The following JPT1 variants were observed in gnomAD, a reference collection of about 807,000 sequenced individuals.
JPT1 encodes androgen-regulated protein 2.
A neutral mutation model predicts 17.0 loss-of-function variants in JPT1; 5 were observed. The observed-to-expected ratio is 0.29, with a 90% CI of 0.15 to 0.62. The LOEUF (loss-of-function observed/expected upper bound fraction) is 0.62. Ranked by LOEUF, JPT1 falls within the 20% of genes least tolerant of loss-of-function variation. JPT1 has a pLI of 0.85. For missense variants in JPT1, 158 were observed against 188.1 expected (o/e 0.84, Z 0.94); for synonymous variants, 71 against 73.6 (o/e 0.96, Z 0.18).
Position 75,154,331 on chromosome 17 carries a change from G to A in JPT1, c.56+11C>T, listed in dbSNP as rs1279162628. On this transcript the variant is annotated intron_variant, in intron 1 of 4. Coordinates refer to ENST00000409753, the MANE Select transcript of JPT1 (RefSeq NM_016185.4). ...GCCCCGCGCGGCTCGGGCGCGACCCGGTCGCCTCACCGGGAGCTATTCCTG... is the reference window on the plus strand; with the variant it reads ...GCCCCGCGCGGCTCGGGCGCGACCCAGTCGCCTCACCGGGAGCTATTCCTG... 4 of 1,541,558 alleles carry A rather than the reference G, an allele frequency of 2.6e-6. No individual in the cohort carries two copies. The highest frequency in any genetic ancestry group is 3.5e-6 in the Non-Finnish European group (4 of 1,143,832).
intron 4 of JPT1, 28 bp from the exon 5 acceptor site, chr17:75,136,278 C>T: frequency 6.6e-7 from 1 of 1,525,770 alleles, no homozygotes; most frequent in Non-Finnish European, 8.8e-7. Context: ...AGAAATAATA[C>T]TCATAATGAC....
At chr17:75,146,545 CTTGGGGCAT>C (rs960499050) in intron 4 of JPT1, 112 bp downstream of exon 4, 35 of 687,882 alleles carry the variant, frequency 5.1e-5, no homozygotes, top group Non-Finnish European at 8.0e-5. Flanking sequence ...TATGGCGGCA[CTTGGGGCAT>C]GGCCAGGTTT....
chr17:75,142,444 A>G (rs941872937), intron 4 of JPT1, among the ~76,000 whole-genome samples: 19 of 150,718 alleles, frequency 1.3e-4, no homozygotes, highest in Non-Finnish European at 2.1e-4. Flanking sequence ...TTGTAATCCC[A>G]GCTACGCAGG....
At chr17:75,138,783 CT>C (rs2074255625) in intron 4 of JPT1, among the ~76,000 whole-genome samples, 1 of 152,198 alleles carries the variant, frequency 6.6e-6, no homozygotes, top group African/African-American at 2.4e-5. Context: ...AAACCTCCCT[CT>C]TCTGTGGCTG....
chr17:75,148,053 T>C, intron 2 of JPT1: 1 of 224,248 alleles, frequency 4.5e-6, no homozygotes, highest in South Asian at 8.0e-5. Context: ...TGTGTTAGTC[T>C]CACATTATGA....
At chr17:75,148,888 A>C (rs968119371) in intron 1 of JPT1, among the ~76,000 whole-genome samples, 1 of 152,206 alleles carries the variant, frequency 6.6e-6, no homozygotes, top group Non-Finnish European at 1.5e-5. Flanking sequence ...ACTTGTAATA[A>C]GGTCATCGAT....
chr17:75,151,044 G>A (rs2074543694), intron 1 of JPT1, among the ~76,000 whole-genome samples: 2 of 151,448 alleles, frequency 1.3e-5, no homozygotes, highest in African/African-American at 4.8e-5. Flanking sequence ...AGTAGAGACG[G>A]GGTTTCACCG....
intron 4 of JPT1, among the ~76,000 whole-genome samples, chr17:75,143,031 T>G (rs2074357358): frequency 6.6e-6 from 1 of 152,214 alleles, no homozygotes; most frequent in East Asian, 1.9e-4. Context: ...CCTGTCCTCC[T>G]TTTACCTGCC....
intron 1 of JPT1, 157 bp downstream of exon 1, chr17:75,154,185 A>G (rs1372313856): frequency 7.8e-6 from 3 of 383,994 alleles, no homozygotes; most frequent in African/African-American, 6.4e-5. Flanking sequence ...GCCAGGCGGC[A>G]CAAAGGCGGC....
rs1294633749 is a variant in JPT1, at chr17:75,154,453, C to T, written c.-56G>A. Reference sequence around the variant, plus strand: ...GAGCAGAACGCTCAAAGGGTCGGACCCGAGGGGCGCTGGGAAACTCCACAC... The same window carrying T: ...GAGCAGAACGCTCAAAGGGTCGGACTCGAGGGGCGCTGGGAAACTCCACAC... On this transcript the variant is annotated 5_prime_UTR_variant, in exon 1 of 5. Coordinates refer to ENST00000409753, the MANE Select transcript of JPT1 (RefSeq NM_016185.4). 1.3e-6 allele frequency: 2 copies of T among 1,497,624 alleles called. No homozygotes were observed. Among genetic ancestry groups the T allele is most frequent in the Non-Finnish European group, 1.8e-6 (2 of 1,110,394 alleles). The allele number at this position is 1,497,624 out of a possible 1,614,324, so 92.8% of individuals were successfully genotyped here. A position where few individuals can be genotyped will look rare whatever the true frequency, so the allele number is the denominator to read the frequency against.
intron 4 of JPT1, among the ~76,000 whole-genome samples, chr17:75,144,533 A>G (rs1033350384): frequency 1.3e-5 from 2 of 152,114 alleles, no homozygotes; most frequent in Non-Finnish European, 2.9e-5. Context: ...AAAAAAATGT[A>G]TCATATATTC....
At chr17:75,151,998 C>T (rs1304027868) in intron 1 of JPT1, among the ~76,000 whole-genome samples, 1 of 151,432 alleles carries the variant, frequency 6.6e-6, no homozygotes, top group Non-Finnish European at 1.5e-5. Flanking sequence ...AAGAAAAAGA[C>T]ACTAGTACCC....
chr17:75,145,129 A>T (rs1256645801), intron 4 of JPT1: 1 of 137,568 alleles, frequency 7.3e-6, no homozygotes, highest in South Asian at 2.3e-4. Flanking sequence ...CTGCCACTGC[A>T]CTCCAGCCTG....
At chr17:75,150,032 G>A (rs1164474527) in intron 1 of JPT1, among the ~76,000 whole-genome samples, 2 of 152,168 alleles carry the variant, frequency 1.3e-5, no homozygotes, top group Non-Finnish European at 2.9e-5. Context: ...AAGTCAGTAT[G>A]AGCAATTAAG....
intron 4 of JPT1, chr17:75,146,457 T>A (rs888530409): frequency 1.0e-5 from 5 of 488,048 alleles, no homozygotes; most frequent in Non-Finnish European, 1.5e-5. Context: ...CCAGCCAATA[T>A]ATGTAATTTT....
At chr17:75,143,824 T>A (rs1330304185) in intron 4 of JPT1, among the ~76,000 whole-genome samples, 1 of 148,194 alleles carries the variant, frequency 6.7e-6, no homozygotes, top group Non-Finnish European at 1.5e-5. Flanking sequence ...TGACAGAGAG[T>A]GAGACTCCAT....
chr17:75,135,936 G>A lies in JPT1; in HGVS notation c.*166C>T. ...CATGGCCCACAGACCCAAGAGTCAA[G>A]GACAGAGAGAAACCTGTTCTTCAAA... is the stretch of plus-strand genomic sequence containing the variant. On this transcript the variant is annotated 3_prime_UTR_variant, in exon 5 of 5. Transcript: ENST00000409753. 1 of 1,483,136 alleles carries A rather than the reference G, an allele frequency of 6.7e-7. No individual in the cohort carries two copies. Among genetic ancestry groups the A allele is most frequent in the Non-Finnish European group, 9.1e-7 (1 of 1,094,880 alleles). The allele number at this position is 1,483,136 out of a possible 1,614,324, so 91.9% of individuals were successfully genotyped here.
intron 1 of JPT1, among the ~76,000 whole-genome samples, chr17:75,149,862 TACAC>T (rs58993126): frequency 0.029 from 4,248 of 147,580 alleles, 172 homozygotes; most frequent in African/African-American, 0.098. Flanking sequence ...CTTACACACT[TACAC>T]ACACACACAC....
intron 1 of JPT1, chr17:75,149,119 G>A (rs1180567801): frequency 9.3e-7 from 1 of 1,073,134 alleles, no homozygotes; most frequent in Non-Finnish European, 1.3e-6. Context: ...AGGAGGCCAA[G>A]GCAGGATCAT....
Sources: allele counts gnomAD v4.1 joint callset (sites outside exome capture counted in the v4.1 genomes callset), GRCh38; gene constraint gnomAD v4.1.1; transcripts MANE v1.5; gene names NCBI Gene and HGNC (gene_info 2026-07-23, HGNC 2026-07-21).